Variants in SCIN observed in about 807,000 individuals in gnomAD.
SCIN encodes scinderin, also known as adseverin.
Under a neutral mutation model 91.8 loss-of-function variants are expected in SCIN, and 91 were observed. That is an observed-to-expected ratio of 0.99 (90% confidence interval 0.84 to 1.18). SCIN has a LOEUF of 1.18. SCIN is among the 50% of genes most tolerant of loss of function. The pLI is 0.00. For synonymous variants in SCIN, 367 were observed against 312.6 expected (o/e 1.17, Z -1.84); for missense variants, 1,087 against 863.9 (o/e 1.26, Z -3.24).
At chr7:12,575,148 T>C (rs982983867) in intron 1 of SCIN, among the ~76,000 whole-genome samples, 27 of 152,100 alleles carry the variant, frequency 1.8e-4, no homozygotes, top group African/African-American at 6.3e-4. Flanking sequence ...TCATTGTTTC[T>C]ATATAGAAAT....
In SCIN at chr7:12,578,164, A is replaced by G; in HGVS notation, c.300A>G (p.Gln100=). 3 of 1,551,248 alleles carry G rather than the reference A, an allele frequency of 1.9e-6. No individual in the cohort carries two copies. Among genetic ancestry groups the G allele is most frequent in the African/African-American group, 1.4e-5 (1 of 73,086 alleles). ...AGCCAGTGCAGAATAGAGAACTTCA[A>G]GGATATGAGTCTAATGACTTTGTTA... ...GGKPVQNREL[Q]GYESNDFVSY... The change falls in exon 2 of 16, where the codon CAA becomes CAG. Residue 100 remains glutamine, a synonymous_variant. Coordinates refer to ENST00000297029, the MANE Select transcript of SCIN (RefSeq NM_001112706.3).
At position 12,644,267 on chromosome 7, in the gene SCIN, A is replaced by G. The variant is rs981150063; in HGVS notation, c.1711A>G (p.Ser571Gly). The G allele has an allele frequency of 1.9e-6, 3 of 1,599,448 alleles. No individual in the cohort carries two copies. Among genetic ancestry groups the G allele is most frequent in the East Asian group, 4.5e-5 (2 of 44,462 alleles). The change falls in exon 12 of 16, where the codon AGT (serine) becomes GGT (glycine). Residue 571 changes from serine to glycine, a missense_variant. Physicochemically the swap from Ser to Gly is moderately conservative, Grantham distance 56. Coordinates refer to ENST00000297029, the MANE Select transcript of SCIN (RefSeq NM_001112706.3). The part of the protein sequence containing the change: ...EEEKGAEYVA[S>G]VLKCKTLRIQ... ...GGAGAAAGGAGCAGAGTATGTAGCA[A>G]GTGTCCTAAAGTGCAAAACCTTAAG...
chr7:12,606,184 C>G (rs1244292787), intron 4 of SCIN, among the ~76,000 whole-genome samples: 1 of 152,172 alleles, frequency 6.6e-6, no homozygotes, highest in Non-Finnish European at 1.5e-5. Context: ...GCACTGTGTT[C>G]CATCGTGACT....
At chr7:12,642,796 G>A (rs751960366) in intron 11 of SCIN, among the ~76,000 whole-genome samples, 1 of 151,294 alleles carries the variant, frequency 6.6e-6, no homozygotes, top group South Asian at 2.1e-4. Flanking sequence ...CTAATCTATC[G>A]GCCACTCCTC....
intron 1 of SCIN, among the ~76,000 whole-genome samples, chr7:12,574,288 A>C (rs942975213): frequency 2.0e-5 from 3 of 152,186 alleles, no homozygotes; most frequent in Non-Finnish European, 4.4e-5. Context: ...AAAAACCCTA[A>C]GAGGCTTTAT....
In SCIN at chr7:12,577,847, C is replaced by A. The variant is rs547062818; in HGVS notation, c.200-217C>A. ...TTCCAGGCTTAGCAACAGAGCAACA[C>A]CCTCTCTCAAAAAAAAAAAAAATAG... On this transcript the variant is annotated intron_variant, in intron 1 of 15. Coordinates refer to ENST00000297029, the MANE Select transcript of SCIN (RefSeq NM_001112706.3). 75 of 453,842 alleles carry A rather than the reference C, an allele frequency of 1.7e-4. No individual in the cohort carries two copies. In the African/African-American group the frequency reaches 1.9e-3, roughly 11 times the overall value. 28.1% of individuals were successfully genotyped at this position (453,842 alleles called of 1,614,324 possible).
In SCIN at chr7:12,652,833, G is replaced by T. The variant is rs139991881; in HGVS notation, c.*118G>T. 1,307 of 1,281,768 alleles carry T rather than the reference G, an allele frequency of 1.0e-3. 1 individual carries two copies. Among genetic ancestry groups the T allele is most frequent in the Non-Finnish European group, 1.3e-3 (1,227 of 931,562 alleles). 79.4% of individuals were successfully genotyped at this position (1,281,768 alleles called of 1,614,324 possible). Reference sequence around the variant, plus strand: ...CTTTTGAAAATTAAGGCTGGGCGCGGTGGCTCACACCTGTAATCCCAGCAC... The same window carrying T: ...CTTTTGAAAATTAAGGCTGGGCGCGTTGGCTCACACCTGTAATCCCAGCAC... On this transcript the variant is annotated 3_prime_UTR_variant, in exon 16 of 16. Coordinates refer to ENST00000297029, the MANE Select transcript of SCIN (RefSeq NM_001112706.3).
At chr7:12,611,006 T>G (rs1270622304) in intron 4 of SCIN, 2 of 152,162 alleles carry the variant, frequency 1.3e-5, no homozygotes, top group Non-Finnish European at 2.9e-5. Flanking sequence ...GCCACAAAAC[T>G]CCAATTCTTT....
chr7:12,578,115 A>C lies in SCIN; in HGVS notation c.251A>C (p.Gln84Pro). Residue 84 changes from glutamine (Q) to proline (P), a missense_variant, in exon 2 of 16, where the codon CAG (glutamine) becomes CCG (proline). Coordinates refer to ENST00000297029, the MANE Select transcript of SCIN (RefSeq NM_001112706.3). The part of the protein sequence containing the change: ...ESTAAAIFTV[Q>P]MDDYLGGKPV... ...ACAGCTGCTGCCATCTTCACTGTTC[A>C]GATGGATGACTATTTGGGTGGCAAG... 1.3e-6 allele frequency: 2 copies of C among 1,550,694 alleles called. No individual in the cohort carries two copies. Among genetic ancestry groups the C allele is most frequent in the Non-Finnish European group, 8.7e-7 (1 of 1,146,416 alleles).
chr7:12,587,808 A>C (rs10237916), intron 3 of SCIN, among the ~76,000 whole-genome samples: 2,959 of 152,096 alleles, frequency 0.019, 103 homozygotes, highest in African/African-American at 0.067. Context: ...TACTTTTTTC[A>C]GTCTTCTTTT....
chr7:12,592,253 T>C (rs1782739550), intron 3 of SCIN, among the ~76,000 whole-genome samples: 2 of 152,022 alleles, frequency 1.3e-5, no homozygotes. Flanking sequence ...ATAGGGGTTA[T>C]GGACTATGGG....
At chr7:12,573,078 A>G (rs934732734) in intron 1 of SCIN, among the ~76,000 whole-genome samples, 4 of 152,314 alleles carry the variant, frequency 2.6e-5, no homozygotes, top group African/African-American at 4.8e-5. Flanking sequence ...AAAAGCTTCA[A>G]GTAAAATAGT....
chr7:12,608,943 AT>A (rs1437418686), intron 4 of SCIN, among the ~76,000 whole-genome samples: 2 of 152,222 alleles, frequency 1.3e-5, no homozygotes, highest in African/African-American at 4.8e-5. Context: ...GAGTGCTGAA[AT>A]TTTTGAACTT....
intron 14 of SCIN, 48 bp downstream of exon 14, chr7:12,649,592 A>G: frequency 7.8e-7 from 1 of 1,280,398 alleles, no homozygotes; most frequent in East Asian, 2.5e-5. Flanking sequence ...TTTGGTTGGG[A>G]GATGACAGAA....
chr7:12,629,290 TATGC>T, intron 9 of SCIN, 68 bp downstream of exon 9: 1 of 1,438,008 alleles, frequency 7.0e-7, no homozygotes, highest in Non-Finnish European at 9.5e-7. Context: ...TATTAAATTC[TATGC>T]ATTATGGGGT....
chr7:12,618,552 G>C (rs1045675966), intron 4 of SCIN, among the ~76,000 whole-genome samples: 2 of 152,030 alleles, frequency 1.3e-5, no homozygotes, highest in African/African-American at 4.8e-5. Context: ...GTAAATGTTG[G>C]AATCTTATAT....
At chr7:12,610,148 C>T (rs1200151640) in intron 4 of SCIN, among the ~76,000 whole-genome samples, 1 of 152,136 alleles carries the variant, frequency 6.6e-6, no homozygotes, top group Non-Finnish European at 1.5e-5. Context: ...AGCATATAGT[C>T]TAGATTAAAC....
chr7:12,607,993 G>A (rs1328409642), intron 4 of SCIN, among the ~76,000 whole-genome samples: 1 of 152,100 alleles, frequency 6.6e-6, no homozygotes, highest in African/African-American at 2.4e-5. Context: ...AACGTGAGTA[G>A]CAGGAACAGT....
At chr7:12,603,099 C>T (rs935461351) in intron 3 of SCIN, among the ~76,000 whole-genome samples, 10 of 152,038 alleles carry the variant, frequency 6.6e-5, no homozygotes, top group Non-Finnish European at 8.8e-5. Flanking sequence ...TCGAATATTT[C>T]TGTAGTATAG....
Sources: gnomAD v4.1 joint callset for allele counts (sites outside exome capture counted in the v4.1 genomes callset) on GRCh38, gnomAD v4.1.1 for gene constraint, MANE v1.5 for transcripts, NCBI Gene and HGNC (gene_info 2026-07-23, HGNC 2026-07-21) for gene names.